The following CSMD1 variants were observed in gnomAD, a reference collection of about 807,000 sequenced individuals.
CSMD1 encodes the protein CUB and Sushi multiple domains 1.
Under a neutral mutation model 417.5 loss-of-function variants are expected in CSMD1, and 213 were observed. That is an observed-to-expected ratio of 0.51 (90% CI 0.46 to 0.57). The LOEUF (loss-of-function observed/expected upper bound fraction) is 0.57. Among genes scored for constraint, CSMD1 ranks in the 20% least tolerant of loss-of-function variants. The pLI, the probability that CSMD1 is intolerant of heterozygous loss-of-function variation, is 0.00. For synonymous variants in CSMD1, 2,862 were observed against 1,736.8 expected (o/e 1.65, Z -16.11); for missense variants, 6,923 against 4,529.7 (o/e 1.53, Z -15.17).
At chr8:3,651,613 T>C in intron 7 of CSMD1, among the ~76,000 whole-genome samples, 1 of 152,054 alleles carries the variant, frequency 6.6e-6, no homozygotes, top group East Asian at 1.9e-4. Context: ...CTGCACTCAT[T>C]GTCCTTCTCA....
At chr8:4,418,429 G>C (rs974587938) in intron 3 of CSMD1, among the ~76,000 whole-genome samples, 1 of 152,090 alleles carries the variant, frequency 6.6e-6, no homozygotes, top group Admixed American at 6.6e-5. Flanking sequence ...TATTCATATA[G>C]TGATTTCTCA....
intron 4 of CSMD1, among the ~76,000 whole-genome samples, chr8:4,031,470 G>T (rs1220832258): frequency 6.6e-6 from 1 of 152,106 alleles, no homozygotes; most frequent in Non-Finnish European, 1.5e-5. Flanking sequence ...AACGGCACAG[G>T]AAACACTTAC....
At position 4,592,248 on chromosome 8, in the gene CSMD1, T is replaced by C. The variant is rs549413968; in HGVS notation, c.302+45094A>G. Among the ~76,000 whole-genome samples the C allele has an allele frequency of 2.6e-5, 4 of 151,448 alleles. No individual in the cohort carries two copies. In the South Asian group the frequency reaches 8.4e-4, roughly 32 times the overall value. ...CTCTTATTATCTTATCTAGTTGCAG[T>C]AACTAAAGTGTCCAGGAGGGTATTA... On this transcript the variant is annotated intron_variant, in intron 2 of 69. Coordinates refer to ENST00000635120, the MANE Select transcript of CSMD1 (RefSeq NM_033225.6).
intron 23 of CSMD1, among the ~76,000 whole-genome samples, chr8:3,323,893 ACCCC>A (rs1806319867): frequency 7.1e-6 from 1 of 141,460 alleles, no homozygotes; most frequent in Non-Finnish European, 1.5e-5. Flanking sequence ...AGTTTCCTTC[ACCCC>A]ACCTTTCATC....
chr8:3,299,500 T>C (rs939377777), intron 25 of CSMD1, among the ~76,000 whole-genome samples: 1 of 152,106 alleles, frequency 6.6e-6, no homozygotes, highest in Non-Finnish European at 1.5e-5. Flanking sequence ...AACTCTGTGA[T>C]ATCAGATACA....
intron 1 of CSMD1, among the ~76,000 whole-genome samples, chr8:4,933,132 C>G (rs5001120): frequency 1.3e-5 from 2 of 151,896 alleles, no homozygotes; most frequent in African/African-American, 4.8e-5. Context: ...TGTTCTCTAT[C>G]TGGTATATGT....
At chr8:4,127,376 C>T (rs969101160) in intron 3 of CSMD1, among the ~76,000 whole-genome samples, 2 of 149,622 alleles carry the variant, frequency 1.3e-5, no homozygotes, top group African/African-American at 4.9e-5. Flanking sequence ...GCTTCAGCCA[C>T]CTGAAAAAAA....
intron 5 of CSMD1, among the ~76,000 whole-genome samples, chr8:3,940,425 G>A (rs1273693430): frequency 6.6e-6 from 1 of 151,640 alleles, no homozygotes; most frequent in Non-Finnish European, 1.5e-5. Flanking sequence ...TAATATGTAT[G>A]TTGTAAAGAA....
chr8:4,972,419 G>C (rs1012104617), intron 1 of CSMD1, among the ~76,000 whole-genome samples: 1 of 152,156 alleles, frequency 6.6e-6, no homozygotes, highest in African/African-American at 2.4e-5. Context: ...GAATTCTCAT[G>C]AGATTTAATG....
At chr8:4,417,620 T>C (rs867980929) in intron 3 of CSMD1, among the ~76,000 whole-genome samples, 4 of 152,062 alleles carry the variant, frequency 2.6e-5, no homozygotes, top group African/African-American at 7.2e-5. Context: ...ATTCTATTAT[T>C]TGACTCATAC....
chr8:4,101,052 A>T (rs1367326762), intron 3 of CSMD1, among the ~76,000 whole-genome samples: 1 of 152,166 alleles, frequency 6.6e-6, no homozygotes, highest in Non-Finnish European at 1.5e-5. Context: ...GCAAAGGCAG[A>T]TGATGCCAGA....
chr8:3,335,127 G>C (rs889412148), intron 23 of CSMD1, among the ~76,000 whole-genome samples: 3 of 152,108 alleles, frequency 2.0e-5, no homozygotes, highest in African/African-American at 7.2e-5. Flanking sequence ...GCAGTCAATG[G>C]TGGTTGGACA....
At chr8:3,739,421 G>C (rs1374903342) in intron 6 of CSMD1, among the ~76,000 whole-genome samples, 2 of 152,164 alleles carry the variant, frequency 1.3e-5, no homozygotes, top group Non-Finnish European at 2.9e-5. Context: ...TCCCAACACA[G>C]AGAAATAATA....
chr8:3,856,285 C>A (rs1042939044), intron 5 of CSMD1, among the ~76,000 whole-genome samples: 1 of 152,078 alleles, frequency 6.6e-6, no homozygotes, highest in African/African-American at 2.4e-5. Flanking sequence ...CACCTGCTTC[C>A]GCTTCATCTT....
intron 46 of CSMD1, among the ~76,000 whole-genome samples, chr8:3,102,719 G>A (rs1416856533): frequency 1.3e-5 from 2 of 152,170 alleles, no homozygotes; most frequent in African/African-American, 4.8e-5. Flanking sequence ...CATATTAAAA[G>A]CTGAAAGAGC....
At chr8:4,375,645 C>T (rs543210596) in intron 3 of CSMD1, among the ~76,000 whole-genome samples, 75 of 152,144 alleles carry the variant, frequency 4.9e-4, no homozygotes, top group Admixed American at 1.0e-3. Flanking sequence ...GGGATGGTCG[C>T]GGCTGGTGGA....
At chr8:3,216,481 G>C (rs1477491921) in intron 29 of CSMD1, among the ~76,000 whole-genome samples, 2 of 151,908 alleles carry the variant, frequency 1.3e-5, no homozygotes, top group Non-Finnish European at 2.9e-5. Flanking sequence ...TCATTTTTTT[G>C]TTATAAATCT....
intron 5 of CSMD1, among the ~76,000 whole-genome samples, chr8:3,775,069 C>G (rs556903708): frequency 2.0e-5 from 3 of 152,184 alleles, no homozygotes; most frequent in Admixed American, 1.3e-4. Context: ...TTAAAACTTA[C>G]GAATTGTTTG....
chr8:4,599,581 C>T (rs772411057), intron 2 of CSMD1, among the ~76,000 whole-genome samples: 3 of 151,762 alleles, frequency 2.0e-5, no homozygotes, highest in African/African-American at 2.4e-5. Context: ...GTTACGTCAA[C>T]GAATATAAAT....
Sources: allele counts gnomAD v4.1 joint callset (sites outside exome capture counted in the v4.1 genomes callset), GRCh38; gene constraint gnomAD v4.1.1; transcripts MANE v1.5; gene names NCBI Gene and HGNC (gene_info 2026-07-23, HGNC 2026-07-21).